Variants in CDH20 observed in about 807,000 individuals in gnomAD.
The protein encoded by CDH20 is cadherin 20, also known as cadherin-20.
In CDH20, 29 loss-of-function variants were observed where a neutral mutation model predicts 74.2. The ratio of observed to expected loss-of-function variants is 0.39; its 90% CI spans 0.29 to 0.53. CDH20 has a LOEUF of 0.53. Among genes scored for constraint, CDH20 ranks in the 20% least tolerant of loss-of-function variants. The pLI, the probability that CDH20 is intolerant of heterozygous loss-of-function variation, is 0.69. For synonymous variants in CDH20, 469 were observed against 405.4 expected, an observed-to-expected ratio of 1.16 and a Z score of -1.88; for missense variants, 988 against 1,048.3, an observed-to-expected ratio of 0.94 and a Z score of 0.79.
At chr18:61,498,560 G>A (rs1911252887) in intron 2 of CDH20, among the ~76,000 whole-genome samples, 2 of 152,128 alleles carry the variant, frequency 1.3e-5, no homozygotes, top group Non-Finnish European at 1.5e-5. Flanking sequence ...CCGATGTAAA[G>A]AATCATAACC....
intron 1 of CDH20, among the ~76,000 whole-genome samples, chr18:61,394,593 C>G (rs777546264): frequency 6.6e-6 from 1 of 152,166 alleles, no homozygotes; most frequent in Non-Finnish European, 1.5e-5. Flanking sequence ...ACACCTTGAT[C>G]TTGGAATTCC....
intron 1 of CDH20, among the ~76,000 whole-genome samples, chr18:61,434,961 C>T (rs1366819339): frequency 2.0e-5 from 3 of 152,178 alleles, no homozygotes; most frequent in Admixed American, 6.6e-5. Context: ...TGTGTTTACC[C>T]TTTTATTATG....
At chr18:61,497,586 C>T (rs538065701) in intron 2 of CDH20, among the ~76,000 whole-genome samples, 8 of 152,252 alleles carry the variant, frequency 5.3e-5, no homozygotes, top group Non-Finnish European at 8.8e-5. Flanking sequence ...TCTCTATGCA[C>T]GTGTATCATG....
intron 1 of CDH20, among the ~76,000 whole-genome samples, chr18:61,361,551 C>G (rs1306175793): frequency 1.3e-5 from 2 of 152,132 alleles, no homozygotes; most frequent in Non-Finnish European, 2.9e-5. Context: ...AAAAATGCAT[C>G]TCTTTGCTCA....
chr18:61,383,855 G>A (rs954875844), intron 1 of CDH20, among the ~76,000 whole-genome samples: 21 of 152,162 alleles, frequency 1.4e-4, no homozygotes, highest in African/African-American at 4.3e-4. Context: ...CTCAGTGGAA[G>A]TTTCTAGGAT....
At chr18:61,361,898 C>T (rs1400918062) in intron 1 of CDH20, among the ~76,000 whole-genome samples, 1 of 152,128 alleles carries the variant, frequency 6.6e-6, no homozygotes, top group Admixed American at 6.6e-5. Context: ...ATTCTACAGA[C>T]CTATAATGAT....
chr18:61,375,574 T>C (rs1911193675), intron 1 of CDH20, among the ~76,000 whole-genome samples: 1 of 152,180 alleles, frequency 6.6e-6, no homozygotes, highest in African/African-American at 2.4e-5. Context: ...GTTTCATTCT[T>C]CAGTATTTTG....
intron 1 of CDH20, among the ~76,000 whole-genome samples, chr18:61,362,448 G>A (rs774064335): frequency 7.2e-5 from 11 of 152,074 alleles, no homozygotes; most frequent in Non-Finnish European, 1.3e-4. Flanking sequence ...TTGAAGATCC[G>A]TGATGCACCA....
chr18:61,508,948 A>G (rs1180727126), intron 6 of CDH20, among the ~76,000 whole-genome samples: 4 of 152,202 alleles, frequency 2.6e-5, no homozygotes. Flanking sequence ...ATTGGAGACT[A>G]TTATTCTAAG....
At chr18:61,346,045 C>A (rs1189295785) in intron 1 of CDH20, among the ~76,000 whole-genome samples, 1 of 152,208 alleles carries the variant, frequency 6.6e-6, no homozygotes, top group Non-Finnish European at 1.5e-5. Flanking sequence ...ATTATGGCAT[C>A]CATCTCTACC....
At chr18:61,443,761 C>T (rs183629828) in intron 1 of CDH20, among the ~76,000 whole-genome samples, 6 of 152,242 alleles carry the variant, frequency 3.9e-5, no homozygotes, top group East Asian at 1.9e-4. Flanking sequence ...CTGTTGGTTG[C>T]GATTTGGACA....
intron 1 of CDH20, among the ~76,000 whole-genome samples, chr18:61,382,224 C>T (rs556524958): frequency 6.6e-6 from 1 of 152,256 alleles, no homozygotes; most frequent in East Asian, 1.9e-4. Flanking sequence ...TATAAAGCCT[C>T]GGATCACTTT....
chr18:61,483,580 G>A (rs1568158687), intron 1 of CDH20, among the ~76,000 whole-genome samples: 1 of 152,132 alleles, frequency 6.6e-6, no homozygotes, highest in Non-Finnish European at 1.5e-5. Context: ...GTTAATAATG[G>A]TATGTATACC....
chr18:61,421,817 T>G (rs1912890846), intron 1 of CDH20, among the ~76,000 whole-genome samples: 1 of 152,118 alleles, frequency 6.6e-6, no homozygotes, highest in South Asian at 2.1e-4. Flanking sequence ...TGAGTCTTGC[T>G]TTTCCAGAGG....
chr18:61,533,480 T>C (rs1912719190), intron 7 of CDH20, among the ~76,000 whole-genome samples: 1 of 152,250 alleles, frequency 6.6e-6, no homozygotes, highest in South Asian at 2.1e-4. Context: ...TACTGGTCTT[T>C]TAAAAACAGG....
At chr18:61,354,290 G>C (rs1910418058) in intron 1 of CDH20, among the ~76,000 whole-genome samples, 1 of 152,186 alleles carries the variant, frequency 6.6e-6, no homozygotes, top group African/African-American at 2.4e-5. Context: ...ATTGGCAAAA[G>C]TCACGCAAGC....
chr18:61,339,958 G>A (rs1001668302), intron 1 of CDH20, among the ~76,000 whole-genome samples: 8 of 151,972 alleles, frequency 5.3e-5, no homozygotes, highest in African/African-American at 1.5e-4. Flanking sequence ...GCAAAGTGCT[G>A]GGATTACAGG....
intron 1 of CDH20, among the ~76,000 whole-genome samples, chr18:61,431,390 A>T (rs1913249082): frequency 6.6e-6 from 1 of 152,188 alleles, no homozygotes; most frequent in Admixed American, 6.5e-5. Flanking sequence ...AAACCCAAAT[A>T]AAGTATGGAC....
At position 61,457,218 on chromosome 18, in the gene CDH20, A is replaced by G. The variant is rs550769621; in HGVS notation, c.-152-33184A>G. Among the ~76,000 whole-genome samples, 7 of 152,160 alleles carry G rather than the reference A, an allele frequency of 4.6e-5. No individual in the cohort carries two copies. In the South Asian group the frequency reaches 1.5e-3, roughly 32 times the overall value. On this transcript the variant is annotated intron_variant, in intron 1 of 11. Coordinates refer to ENST00000262717, the MANE Select transcript of CDH20 (RefSeq NM_031891.4). Reference sequence around the variant, plus strand: ...TCACTCATTCCTCAGTGGTTGTCTAATTATAGTTTAATAAAATGAGCTCTG... The same window carrying G: ...TCACTCATTCCTCAGTGGTTGTCTAGTTATAGTTTAATAAAATGAGCTCTG...
Sources: gnomAD v4.1 joint callset for allele counts (sites outside exome capture counted in the v4.1 genomes callset) on GRCh38, gnomAD v4.1.1 for gene constraint, MANE v1.5 for transcripts, NCBI Gene and HGNC (gene_info 2026-07-23, HGNC 2026-07-21) for gene names.